The following ZC3HAV1 variants were observed in gnomAD, a reference collection of about 807,000 sequenced individuals.
The protein encoded by ZC3HAV1 is zinc finger CCCH-type containing, antiviral 1.
A neutral mutation model predicts 86.6 loss-of-function variants in ZC3HAV1; 41 were observed. The ratio of observed to expected loss-of-function variants is 0.47; its 90% confidence interval spans 0.37 to 0.61. The LOEUF (loss-of-function observed/expected upper bound fraction) is 0.61. Ranked by LOEUF, ZC3HAV1 falls within the 20% of genes least tolerant of loss-of-function variation. The pLI, the probability that ZC3HAV1 is intolerant of heterozygous loss-of-function variation, is 0.00. For missense variants in ZC3HAV1, 964 were observed against 1,141.1 expected (o/e 0.84, Z 2.24); for synonymous variants, 421 against 432.1 (o/e 0.97, Z 0.32).
rs1373990651 is a variant in ZC3HAV1 at position 139,055,239 on chromosome 7, T to A, written c.2153A>T (p.Glu718Val). The stretch of plus-strand genomic sequence containing the variant: ...CTTTGAGGATAGGAAGCAAAAGTCC[T>A]CCTGAGGACGAAAGGTCGCAGTTAA... ...VSLTATFRPQ[E>V]DFCFLSSKKY... The change falls in exon 10 of 13, where the codon GAG becomes GTG. Residue 718 changes from glutamate (E) to valine (V), a missense_variant. Physicochemically the swap from Glu to Val is moderately radical, Grantham distance 121 (BLOSUM62 -2). Transcript: ENST00000242351. 6.2e-7 allele frequency: 1 copy of A among 1,613,302 alleles called. No individual in the cohort carries two copies. Among genetic ancestry groups the A allele is most frequent in the Middle Eastern group, 1.6e-4 (1 of 6,062 alleles).
intron 1 of ZC3HAV1, among the ~76,000 whole-genome samples, chr7:139,090,208 A>G (rs1481226349): frequency 6.6e-6 from 1 of 152,208 alleles, no homozygotes; most frequent in African/African-American, 2.4e-5. Flanking sequence ...GGTATGAGCT[A>G]CCACACCTGG....
chr7:139,083,572 C>A (rs1314445229), intron 3 of ZC3HAV1, among the ~76,000 whole-genome samples: 2 of 151,820 alleles, frequency 1.3e-5, no homozygotes, highest in African/African-American at 4.8e-5. Context: ...CTAATTTATA[C>A]AAAAATTAGC....
intron 6 of ZC3HAV1, among the ~76,000 whole-genome samples, chr7:139,074,596 A>T (rs1584854537): frequency 6.6e-6 from 1 of 151,870 alleles, no homozygotes; most frequent in Admixed American, 6.6e-5. Context: ...AATTTGCAAA[A>T]ATATAAAACT....
rs543189221 is a variant in ZC3HAV1, at chr7:139,078,481, C to G, written c.1573+71G>C. ...GGTTTTCAGAAGGCATTTGCACACCCATGTTCATAGCAGTGTTATTTACAA... is the reference window on the plus strand; with the variant it reads ...GGTTTTCAGAAGGCATTTGCACACCGATGTTCATAGCAGTGTTATTTACAA... On this transcript the variant is annotated intron_variant, in intron 5 of 12. Coordinates refer to ENST00000242351, the MANE Select transcript of ZC3HAV1 (RefSeq NM_020119.4). 5 of 1,149,230 alleles carry G rather than the reference C, an allele frequency of 4.4e-6. No homozygotes were observed. In the South Asian group the frequency reaches 5.7e-5, roughly 13 times the overall value. 71.2% of individuals were successfully genotyped at this position (1,149,230 alleles called of 1,614,324 possible).
intron 1 of ZC3HAV1, among the ~76,000 whole-genome samples, chr7:139,095,861 G>T (rs183527081): frequency 2.6e-4 from 40 of 152,242 alleles, no homozygotes; most frequent in African/African-American, 9.4e-4. Flanking sequence ...TAAATCAGAA[G>T]GTAGGAGACG....
intron 12 of ZC3HAV1, among the ~76,000 whole-genome samples, chr7:139,048,667 T>C (rs1816032099): frequency 6.6e-6 from 1 of 152,218 alleles, no homozygotes; most frequent in South Asian, 2.1e-4. Flanking sequence ...GAGTAGATAT[T>C]GCAACTCCTA....
chr7:139,057,205 T>A (rs28610411), intron 9 of ZC3HAV1, among the ~76,000 whole-genome samples: 95,305 of 151,602 alleles, frequency 0.63, 30,192 homozygotes, highest in African/African-American at 0.71. Context: ...ACATTTTTTT[T>A]AAATTATCCA....
chr7:139,092,559 T>C (rs921000189), intron 1 of ZC3HAV1, among the ~76,000 whole-genome samples: 3 of 152,172 alleles, frequency 2.0e-5, no homozygotes, highest in Admixed American at 6.5e-5. Context: ...TCCTGTCCTG[T>C]CCTAGCTGAG....
intron 1 of ZC3HAV1, among the ~76,000 whole-genome samples, chr7:139,097,123 G>A (rs1167843631): frequency 6.6e-6 from 1 of 151,476 alleles, no homozygotes; most frequent in East Asian, 1.9e-4. Flanking sequence ...GGGTGAGAGA[G>A]GGAGGCTCTG....
intron 1 of ZC3HAV1, among the ~76,000 whole-genome samples, chr7:139,097,075 T>C (rs2130729632): frequency 6.6e-6 from 1 of 151,670 alleles, no homozygotes; most frequent in African/African-American, 2.4e-5. Context: ...GAGGCAGAGG[T>C]TGCAGTGAGC....
chr7:139,097,166 T>G (rs956907375), intron 1 of ZC3HAV1, among the ~76,000 whole-genome samples: 8 of 149,390 alleles, frequency 5.4e-5, no homozygotes, highest in East Asian at 1.9e-4. Context: ...AAATAAAAAA[T>G]AAAAAAAAGA....
intron 1 of ZC3HAV1, among the ~76,000 whole-genome samples, chr7:139,106,328 G>T (rs1289104416): frequency 1.3e-5 from 2 of 152,154 alleles, no homozygotes; most frequent in African/African-American, 2.4e-5. Flanking sequence ...AACAATTATA[G>T]GCCAGGTGAG....
chr7:139,055,214 C>A lies in ZC3HAV1; in HGVS notation c.2178G>T (p.Lys726Asn), dbSNP rs1816248671. 6.2e-7 allele frequency: 1 copy of A among 1,612,906 alleles called. No individual in the cohort carries two copies. The highest frequency in any genetic ancestry group is 8.5e-7 in the Non-Finnish European group (1 of 1,179,290). ...PQEDFCFLSSKKYKLSEIHHL... is the reference protein window; with the variant it reads ...PQEDFCFLSSNKYKLSEIHHL... ...ATGTAAAACCAAGTACCTTATATTT[C>A]TTTGAGGATAGGAAGCAAAAGTCCT... Residue 726 changes from lysine to asparagine, a missense_variant, in exon 10 of 13, where the codon AAG becomes AAT. By Grantham distance (94) the Lys-to-Asn change is moderately conservative. Transcript: ENST00000242351.
chr7:139,061,732 A>G (rs1381735151), intron 8 of ZC3HAV1, among the ~76,000 whole-genome samples: 1 of 152,246 alleles, frequency 6.6e-6, no homozygotes, highest in Non-Finnish European at 1.5e-5. Flanking sequence ...CCCAAGAGAA[A>G]TGAAAACCTG....
chr7:139,107,434 CACTT>C (rs1817969037), intron 1 of ZC3HAV1, among the ~76,000 whole-genome samples: 1 of 152,188 alleles, frequency 6.6e-6, no homozygotes, highest in Non-Finnish European at 1.5e-5. Context: ...CCATCTAAAA[CACTT>C]ACCTTTGTGT....
At chr7:139,078,008 G>A (rs969631298) in intron 5 of ZC3HAV1, among the ~76,000 whole-genome samples, 1 of 152,194 alleles carries the variant, frequency 6.6e-6, no homozygotes, top group African/African-American at 2.4e-5. Flanking sequence ...GAAGGCCGAG[G>A]CGGGTGGATC....
chr7:139,095,120 A>C (rs1280299463), intron 1 of ZC3HAV1, among the ~76,000 whole-genome samples: 1 of 152,122 alleles, frequency 6.6e-6, no homozygotes. Flanking sequence ...GAAATCACTC[A>C]CCATGATATA....
chr7:139,075,310 T>C (rs1816907490), intron 6 of ZC3HAV1, among the ~76,000 whole-genome samples: 1 of 152,212 alleles, frequency 6.6e-6, no homozygotes, highest in Non-Finnish European at 1.5e-5. Flanking sequence ...TGAAAAGTAA[T>C]GTAACTTTTC....
chr7:139,091,905 G>C (rs956760448), intron 1 of ZC3HAV1, among the ~76,000 whole-genome samples: 21 of 152,154 alleles, frequency 1.4e-4, no homozygotes, highest in African/African-American at 4.8e-4. Context: ...GCCACACTTC[G>C]AGACGAATTA....
Sources: allele counts gnomAD v4.1 joint callset (sites outside exome capture counted in the v4.1 genomes callset), GRCh38; gene constraint gnomAD v4.1.1; transcripts MANE v1.5; gene names NCBI Gene and HGNC (gene_info 2026-07-23, HGNC 2026-07-21).